Variants in NBPF20 observed in about 807,000 individuals in gnomAD.
NBPF20 encodes NBPF family member NBPF20.
A neutral mutation model predicts 68.1 loss-of-function variants in NBPF20; 90 were observed. The ratio of observed to expected loss-of-function variants is 1.32; its 90% CI spans 1.11 to 1.58. The LOEUF (loss-of-function observed/expected upper bound fraction) is 1.58, where lower values mean the gene tolerates loss of function less well. Among genes scored for constraint, NBPF20 ranks in the 40% most tolerant of loss-of-function variants. NBPF20 has a pLI of 0.00. For missense variants in NBPF20, 816 were observed against 601.2 expected (o/e 1.36, Z -3.74); for synonymous variants, 290 against 228.1 (o/e 1.27, Z -2.45).
Position 145,291,770 on chromosome 1 carries a change from C to G in NBPF20, c.16698-1G>C, listed in dbSNP as rs78969318. ...CACTTCCATCAGCACGCCGTTGAGC[C>G]TGGAAAAGGAGACAAAACTAAAGAA... On this transcript the variant is annotated splice_acceptor_variant, in intron 137 of 137. Coordinates refer to ENST00000369373, the Ensembl canonical transcript of NBPF20. LOFTEE classifies it high-confidence loss of function. 1 of 1,611,754 alleles carries G rather than the reference C, an allele frequency of 6.2e-7. No homozygotes were observed. Among genetic ancestry groups the G allele is most frequent in the Non-Finnish European group, 8.5e-7 (1 of 1,179,840 alleles).
intron 75 of NBPF20, among the ~76,000 whole-genome samples, chr1:145,341,142 A>G (rs1661610303): frequency 1.2e-5 from 1 of 80,684 alleles, no homozygotes; most frequent in Admixed American, 1.1e-4. Flanking sequence ...AGAGAGAGAG[A>G]CAGAGACAGA....
At chr1:145,416,158 G>A in the NBPF20 span, among the ~76,000 whole-genome samples, 15 of 150,426 alleles carry the variant, frequency 1.0e-4, no homozygotes, top group African/African-American at 2.7e-4. Flanking sequence ...AAATAAAGAC[G>A]GTTCACTACT....
exon 4 of NBPF20, chr1:145,402,379 T>G (rs2101578925): frequency 6.2e-7 from 1 of 1,603,210 alleles, no homozygotes; most frequent in Non-Finnish European, 8.5e-7. Flanking sequence ...GACTTTATAT[T>G]GCCTAAGGTG....
intron 6 of NBPF20, 83 bp from the exon 12 acceptor site, chr1:145,399,183 A>G: frequency 1.6e-6 from 1 of 626,256 alleles, no homozygotes; most frequent in Non-Finnish European, 2.8e-6. Context: ...TCATAGCACA[A>G]GGACATAACT....
At chr1:145,372,211 AC>A (rs1661752375) in intron 36 of NBPF20, among the ~76,000 whole-genome samples, 1 of 122,252 alleles carries the variant, frequency 8.2e-6, no homozygotes, top group African/African-American at 3.6e-5. Flanking sequence ...AAATCTACAA[AC>A]CCTTGAGTCC....
At chr1:145,394,266 A>C (rs1180704817) in intron 8 of NBPF20, among the ~76,000 whole-genome samples, 3 of 151,446 alleles carry the variant, frequency 2.0e-5, no homozygotes, top group Non-Finnish European at 4.4e-5. Flanking sequence ...CTTCAATATT[A>C]AGCTTTCTCT....
intron 73 of NBPF20, among the ~76,000 whole-genome samples, chr1:145,343,001 C>CACCT (rs1661635305): frequency 1.2e-4 from 4 of 32,066 alleles, no homozygotes; most frequent in African/African-American, 7.0e-4. Flanking sequence ...AAGTCTGGTC[C>CACCT]ACCTACAGTA....
chr1:145,398,922 A>G, intron 7 of NBPF20, 127 bp downstream of exon 12: 1 of 608,222 alleles, frequency 1.6e-6, no homozygotes, highest in East Asian at 2.8e-5. Flanking sequence ...ACAACATTGT[A>G]AATCAGCACA....
chr1:145,403,026 A>T (rs1662598509), intron 3 of NBPF20, among the ~76,000 whole-genome samples, 190 bp downstream of exon 8: 2 of 152,032 alleles, frequency 1.3e-5, no homozygotes, highest in Non-Finnish European at 2.9e-5. Context: ...GGCTCTGAGA[A>T]ACAACTGCAA....
chr1:145,291,842 A>G (rs1661123665), intron 137 of NBPF20, 73 bp from the exon 143 acceptor site: 1 of 1,611,042 alleles, frequency 6.2e-7, no homozygotes, highest in Admixed American at 1.7e-5. Context: ...AGATTTCAGA[A>G]GTCACATAAG....
chr1:145,338,014 C>G (rs1571349800), intron 79 of NBPF20, among the ~76,000 whole-genome samples: 5 of 94,010 alleles, frequency 5.3e-5, no homozygotes, highest in South Asian at 3.7e-4. Context: ...TAGACACACA[C>G]ACACACACAC....
At chr1:145,396,396 G>A (rs1553663846) in intron 7 of NBPF20, among the ~76,000 whole-genome samples, 1,599 of 140,860 alleles carry the variant, frequency 0.011, 1 homozygote, top group African/African-American at 0.031. Context: ...TGAAAGTGAC[G>A]GGGAGAATGG....
At chr1:145,292,412 C>G (rs1444343443) in exon 137 of NBPF20, 1 of 690,728 alleles carries the variant, frequency 1.4e-6, no homozygotes, top group African/African-American at 2.0e-5. Flanking sequence ...TCTTCTTCCC[C>G]TTCTTTTCTT....
At chr1:145,400,856 C>T (rs1157306223) in intron 5 of NBPF20, among the ~76,000 whole-genome samples, 80 of 151,984 alleles carry the variant, frequency 5.3e-4, no homozygotes, top group Admixed American at 1.7e-3. Flanking sequence ...TCAGCTATCC[C>T]TGTACGGTGC....
At chr1:145,314,251 CAG>C (rs1661517211) in intron 109 of NBPF20, among the ~76,000 whole-genome samples, 7 of 140,744 alleles carry the variant, frequency 5.0e-5, no homozygotes, top group South Asian at 2.3e-4. Context: ...GACACACACA[CAG>C]ACACACACAC....
At chr1:145,342,788 C>A (rs1209555094) in intron 73 of NBPF20, among the ~76,000 whole-genome samples, 5 of 116,470 alleles carry the variant, frequency 4.3e-5, no homozygotes, top group Non-Finnish European at 7.1e-5. Flanking sequence ...CACACACACA[C>A]ACACACAGAC....
chr1:145,403,395 CAGGTCCATCCCA>C, intron 2 of NBPF20, 77 bp from the exon 8 acceptor site: 2 of 1,146,748 alleles, frequency 1.7e-6, no homozygotes, highest in South Asian at 2.5e-5. Flanking sequence ...GGGCAGGAGC[CAGGTCCATCCCA>C]AGGACAAAAC....
chr1:145,309,485 C>CAG, intron 115 of NBPF20, among the ~76,000 whole-genome samples: 1 of 76,810 alleles, frequency 1.3e-5, no homozygotes, highest in African/African-American at 6.7e-5. Context: ...CACACAGACA[C>CAG]ACACACACAC....
intron 2 of NBPF20, 99 bp downstream of exon 7, chr1:145,404,999 C>A (rs1412554438): frequency 3.4e-6 from 3 of 870,166 alleles, no homozygotes; most frequent in Non-Finnish European, 5.1e-6. Flanking sequence ...CCTACAAGTA[C>A]AAGAAGGATG....
Sources: allele counts gnomAD v4.1 joint callset (sites outside exome capture counted in the v4.1 genomes callset), GRCh38; gene constraint gnomAD v4.1.1; transcripts MANE v1.5; gene names NCBI Gene and HGNC (gene_info 2026-07-23, HGNC 2026-07-21).